Variants in ANO6 observed in about 807,000 individuals in gnomAD.
The protein encoded by ANO6 is anoctamin 6, also known as anoctamin-6.
A neutral mutation model predicts 117.5 loss-of-function variants in ANO6; 106 were observed. The ratio of observed to expected loss-of-function variants is 0.90; its 90% CI spans 0.77 to 1.06. The LOEUF (loss-of-function observed/expected upper bound fraction) is 1.06, where lower values mean the gene tolerates loss of function less well. ANO6 is among the 50% of genes least tolerant of loss of function. ANO6 has a pLI of 0.00. For synonymous variants in ANO6, 367 were observed against 385.1 expected (o/e 0.95, Z 0.55); for missense variants, 955 against 1,121.1 (o/e 0.85, Z 2.12).
Position 45,416,301 on chromosome 12 carries a change from G to A in ANO6, c.2012-398G>A, listed in dbSNP as rs1174459551. Reference sequence around the variant, plus strand: ...ATTTCTTTTTGTCTTTAACTTGTTAGATAATGCCACAATATTTCTTTTTTC... The same window carrying A: ...ATTTCTTTTTGTCTTTAACTTGTTAAATAATGCCACAATATTTCTTTTTTC... On this transcript the variant is annotated intron_variant, in intron 16 of 19. Coordinates refer to ENST00000320560, the MANE Select transcript of ANO6 (RefSeq NM_001025356.3). 2.0e-5 allele frequency among the ~76,000 whole-genome samples: 3 copies of A among 151,190 alleles called. No homozygotes were observed. The East Asian group carries it at 5.9e-4, about 30-fold the overall frequency.
rs750944020 is a variant in ANO6 at position 45,390,433 on chromosome 12, A to G, written c.1321A>G (p.Ile441Val). ...INEITQEEER[I>V]PFTAWGKCIR... Reference sequence around the variant, plus strand: ...TTTTTGTAATTAGGAAGAAGAACGCATTCCCTTTACTGCCTGGGGAAAATG... The same window carrying G: ...TTTTTGTAATTAGGAAGAAGAACGCGTTCCCTTTACTGCCTGGGGAAAATG... Residue 441 changes from isoleucine to valine, a missense_variant, in exon 12 of 20, where the codon ATT (isoleucine) becomes GTT (valine). Physicochemically the swap from Ile to Val is conservative, Grantham distance 29. Transcript: ENST00000320560. The G allele has an allele frequency of 1.4e-5, 23 of 1,613,838 alleles. No homozygotes were observed. The highest frequency in any genetic ancestry group is 1.9e-5 in the Non-Finnish European group (23 of 1,179,870).
At chr12:45,249,904 CA>C in intron 1 of ANO6, among the ~76,000 whole-genome samples, 1 of 152,086 alleles carries the variant, frequency 6.6e-6, no homozygotes, top group Non-Finnish European at 1.5e-5. Flanking sequence ...ACACAGTATC[CA>C]AAAGACTAAT....
intron 16 of ANO6, among the ~76,000 whole-genome samples, chr12:45,414,357 C>T (rs1943161225): frequency 6.6e-6 from 1 of 151,718 alleles, no homozygotes; most frequent in South Asian, 2.1e-4. Context: ...AATATCAGAA[C>T]AAATTATATG....
chr12:45,341,380 C>G (rs1397435035), intron 3 of ANO6, among the ~76,000 whole-genome samples: 1 of 152,144 alleles, frequency 6.6e-6, no homozygotes, highest in Non-Finnish European at 1.5e-5. Context: ...ACCTAAATAT[C>G]CAGCCATTTG....
At chr12:45,262,591 A>T (rs1376850594) in intron 1 of ANO6, among the ~76,000 whole-genome samples, 2 of 151,906 alleles carry the variant, frequency 1.3e-5, no homozygotes, top group African/African-American at 4.8e-5. Flanking sequence ...CACCTGGCTA[A>T]TTTTGTATTT....
At chr12:45,320,395 G>A (rs1940217777) in intron 2 of ANO6, among the ~76,000 whole-genome samples, 1 of 152,106 alleles carries the variant, frequency 6.6e-6, no homozygotes. Flanking sequence ...TCATTCAGGA[G>A]CAGGTTGTTC....
intron 15 of ANO6, among the ~76,000 whole-genome samples, chr12:45,407,220 G>A (rs745761500): frequency 6.6e-6 from 1 of 152,162 alleles, no homozygotes; most frequent in Non-Finnish European, 1.5e-5. Context: ...AAGATGACCT[G>A]ATATGAGACG....
intron 9 of ANO6, among the ~76,000 whole-genome samples, chr12:45,376,402 C>T (rs1462973063): frequency 1.2e-4 from 16 of 134,234 alleles, no homozygotes; most frequent in South Asian, 5.6e-4. Flanking sequence ...CACATGCACA[C>T]GTATGTTTAT....
chr12:45,428,366 G>T (rs572685675), intron 19 of ANO6, among the ~76,000 whole-genome samples: 5 of 152,264 alleles, frequency 3.3e-5, no homozygotes, highest in African/African-American at 1.2e-4. Flanking sequence ...TAATCCTAGC[G>T]CTTTGGAAGG....
At chr12:45,232,927 G>A (rs551335477) in intron 1 of ANO6, among the ~76,000 whole-genome samples, 2 of 152,266 alleles carry the variant, frequency 1.3e-5, no homozygotes, top group South Asian at 4.1e-4. Context: ...TGTAGCTTCC[G>A]GAAGTTTCCA....
At chr12:45,289,333 A>AT (rs1373213119) in intron 1 of ANO6, among the ~76,000 whole-genome samples, 1 of 151,696 alleles carries the variant, frequency 6.6e-6, no homozygotes. Flanking sequence ...CACCTGGCTA[A>AT]TTTTTGTATT....
chr12:45,317,959 T>G (rs1275639691), intron 2 of ANO6, among the ~76,000 whole-genome samples: 6 of 152,254 alleles, frequency 3.9e-5, no homozygotes, highest in Non-Finnish European at 7.3e-5. Flanking sequence ...GCCCACTTTT[T>G]GATGGGGTTG....
In ANO6 at chr12:45,291,367, A is replaced by C. The variant is rs865936004; in HGVS notation, c.71-10647A>C. On this transcript the variant is annotated intron_variant, in intron 1 of 19. Transcript: ENST00000320560. ...GTCTCAAAAAAAAAAAAAAAAAAAA[A>C]AACACAAAGGAAAATCTTTATGACC... is the stretch of plus-strand genomic sequence containing the variant. 1.3e-3 allele frequency among the ~76,000 whole-genome samples: 201 copies of C among 151,454 alleles called. 6 individuals are homozygous for C. The South Asian group carries it at 0.041, about 31-fold the overall frequency.
At chr12:45,290,995 G>A (rs1939074744) in intron 1 of ANO6, among the ~76,000 whole-genome samples, 2 of 152,122 alleles carry the variant, frequency 1.3e-5, no homozygotes, top group Admixed American at 1.3e-4. Flanking sequence ...CATGTCAATG[G>A]CCCAACTGGT....
At chr12:45,421,996 C>T (rs183849619) in intron 18 of ANO6, among the ~76,000 whole-genome samples, 440 of 152,284 alleles carry the variant, frequency 2.9e-3, no homozygotes, top group Middle Eastern at 0.01. Context: ...CTCAGATTCT[C>T]AATGATGCAA....
At chr12:45,421,875 A>T (rs1158949424) in intron 18 of ANO6, among the ~76,000 whole-genome samples, 2 of 152,214 alleles carry the variant, frequency 1.3e-5, no homozygotes, top group African/African-American at 4.8e-5. Context: ...TTACCAATTG[A>T]TAAAGTTTGT....
chr12:45,344,670 C>A (rs1001813789), intron 3 of ANO6, among the ~76,000 whole-genome samples: 1 of 152,082 alleles, frequency 6.6e-6, no homozygotes, highest in Non-Finnish European at 1.5e-5. Context: ...AGACACAAAT[C>A]GAAACCATGT....
chr12:45,430,589 CAGATT>C lies in ANO6; in HGVS notation c.*1284_*1288del, dbSNP rs1182426569. On this transcript the variant is annotated 3_prime_UTR_variant, in exon 20 of 20. Coordinates refer to ENST00000320560, the MANE Select transcript of ANO6 (RefSeq NM_001025356.3). ...TTATTCATAATCAAGTAAAGAGACTCAGATTAGATTTGATTTTTTAGCCTCCTCTA... is the reference window on the plus strand; with the variant it reads ...TTATTCATAATCAAGTAAAGAGACTCAGATTTGATTTTTTAGCCTCCTCTA... The C allele has an allele frequency of 1.0e-6, 1 of 985,248 alleles. No individual in the cohort carries two copies. The highest frequency in any genetic ancestry group is 1.2e-6 in the Non-Finnish European group (1 of 829,912). The allele number at this position is 985,248 out of a possible 1,614,324, so 61.0% of individuals were successfully genotyped here. A position where few individuals can be genotyped will look rare whatever the true frequency, so the allele number is the denominator to read the frequency against.
rs111231136 is a variant in ANO6 at position 45,263,196 on chromosome 12, G to A, written c.71-38818G>A. ...ATTACTGGGGCACGCATTCTAACAG[G>A]GGCCGGTACAAGATGTTCTATTTTT... On this transcript the variant is annotated intron_variant, in intron 1 of 19. Coordinates refer to ENST00000320560, the MANE Select transcript of ANO6 (RefSeq NM_001025356.3). Among the ~76,000 whole-genome samples, 646 of 151,836 alleles carry A rather than the reference G, an allele frequency of 4.3e-3. 2 individuals carry two copies. The highest frequency in any genetic ancestry group is 0.015 in the African/African-American group (611 of 41,414).
Sources: gnomAD v4.1 joint callset for allele counts (sites outside exome capture counted in the v4.1 genomes callset) on GRCh38, gnomAD v4.1.1 for gene constraint, MANE v1.5 for transcripts, NCBI Gene and HGNC (gene_info 2026-07-23, HGNC 2026-07-21) for gene names.